Variants in IQUB observed in about 807,000 individuals in gnomAD.
IQUB encodes the protein IQ motif and ubiquitin domain containing.
A neutral mutation model predicts 86.4 loss-of-function variants in IQUB; 86 were observed. The ratio of observed to expected loss-of-function variants is 1.00; its 90% CI spans 0.84 to 1.19. The LOEUF is 1.19. Among genes scored for constraint, IQUB ranks in the 50% most tolerant of loss-of-function variants. The pLI, the probability that IQUB is intolerant of heterozygous loss-of-function variation, is 0.00. For synonymous variants in IQUB, 289 were observed against 304.5 expected, an observed-to-expected ratio of 0.95 and a Z score of 0.53; for missense variants, 946 against 916.9, an observed-to-expected ratio of 1.03 and a Z score of -0.41.
rs933208245 is a variant in IQUB, at chr7:123,457,572, T to C, written c.2008-6A>G. On this transcript the variant is annotated splice_polypyrimidine_tract_variant and splice_region_variant and intron_variant, in intron 11 of 12. Transcript: ENST00000324698. ...AGGTACTGAATGTCTTGTAGCTGCA[T>C]GTCAAAGCAAGTTTTAAAAACAATG... The C allele has an allele frequency of 6.3e-7, 1 of 1,593,166 alleles. No homozygotes were observed. Among genetic ancestry groups the C allele is most frequent in the Non-Finnish European group, 8.5e-7 (1 of 1,172,802 alleles).
intron 6 of IQUB, chr7:123,501,201 GA>G (rs1053704784): frequency 6.6e-6 from 1 of 152,192 alleles, no homozygotes; most frequent in Non-Finnish European, 1.5e-5. Flanking sequence ...CAGGCATGAT[GA>G]AAGTTAGTCA....
chr7:123,489,683 A>G (rs1289063663), intron 7 of IQUB, among the ~76,000 whole-genome samples: 3 of 151,862 alleles, frequency 2.0e-5, no homozygotes, highest in Non-Finnish European at 4.4e-5. Context: ...ATGCAAAAAG[A>G]TACATATGAA....
chr7:123,526,533 T>A (rs1281894494), intron 1 of IQUB, among the ~76,000 whole-genome samples: 1 of 151,952 alleles, frequency 6.6e-6, no homozygotes, highest in African/African-American at 2.4e-5. Context: ...CTGCCTTTTT[T>A]TGTTTTCCAT....
At chr7:123,478,774 A>G (rs1794863158) in intron 8 of IQUB, among the ~76,000 whole-genome samples, 1 of 152,086 alleles carries the variant, frequency 6.6e-6, no homozygotes, top group Non-Finnish European at 1.5e-5. Flanking sequence ...TTTCATACAG[A>G]TAGGTTATAT....
intron 8 of IQUB, among the ~76,000 whole-genome samples, chr7:123,471,365 T>A (rs1304938732): frequency 1.3e-5 from 2 of 152,166 alleles, no homozygotes; most frequent in Non-Finnish European, 2.9e-5. Context: ...AAGCTCTTTT[T>A]AAAAAGTTTT....
rs1344917343 is a variant in IQUB at position 123,469,354 on chromosome 7, T to G, written c.1441A>C (p.Asn481His). ...GTATCCATCTCAATTGTTTTGCCAT[T>G]AGGGGTTCTCCATATTTTTGGAGCT... is the stretch of plus-strand genomic sequence containing the variant. ...CSAPKIWRTP[N>H]GKTIEMDTQF... Residue 481 changes from asparagine (N) to histidine (H), a missense_variant, in exon 9 of 13, where the codon AAT becomes CAT. Coordinates refer to ENST00000324698, the MANE Select transcript of IQUB (RefSeq NM_178827.5). 1.3e-6 allele frequency: 2 copies of G among 1,599,304 alleles called. No homozygotes were observed. The highest frequency in any genetic ancestry group is 1.7e-6 in the Non-Finnish European group (2 of 1,173,928).
intron 6 of IQUB, chr7:123,502,280 G>A: frequency 3.7e-6 from 1 of 273,740 alleles, no homozygotes; most frequent in Non-Finnish European, 6.7e-6. Flanking sequence ...AGTCTCGAAA[G>A]TTCCCTTGGT....
At chr7:123,458,580 A>G (rs1793825715) in intron 11 of IQUB, among the ~76,000 whole-genome samples, 1 of 152,006 alleles carries the variant, frequency 6.6e-6, no homozygotes, top group South Asian at 2.1e-4. Flanking sequence ...TTAAAATTCA[A>G]TGTTTTATAT....
intron 8 of IQUB, among the ~76,000 whole-genome samples, chr7:123,471,754 T>C (rs1794533117): frequency 1.3e-5 from 2 of 152,168 alleles, no homozygotes; most frequent in African/African-American, 4.8e-5. Flanking sequence ...ACCTCTTCCA[T>C]AAAGATTCCT....
intron 12 of IQUB, among the ~76,000 whole-genome samples, chr7:123,455,527 A>G (rs1297042246): frequency 6.6e-6 from 1 of 151,860 alleles, no homozygotes; most frequent in Non-Finnish European, 1.5e-5. Context: ...TATTCATGCC[A>G]AAAAAAACTA....
chr7:123,472,781 T>C (rs993231394), intron 8 of IQUB, among the ~76,000 whole-genome samples: 2 of 152,222 alleles, frequency 1.3e-5, no homozygotes, highest in Non-Finnish European at 2.9e-5. Flanking sequence ...TTTCAGGGCT[T>C]AAGGTGTTTT....
chr7:123,484,765 T>C (rs1332354759), intron 7 of IQUB, among the ~76,000 whole-genome samples: 4 of 152,064 alleles, frequency 2.6e-5, no homozygotes, highest in African/African-American at 9.7e-5. Context: ...AGATTGTCAG[T>C]AGGGCTTTTA....
intron 10 of IQUB, 126 bp from the exon 11 acceptor site, chr7:123,461,731 T>A: frequency 1.2e-6 from 1 of 858,056 alleles, no homozygotes; most frequent in Non-Finnish European, 1.6e-6. Flanking sequence ...AAAAAAAAGT[T>A]GGCTAATTTC....
At chr7:123,476,407 A>C (rs1279107649) in intron 8 of IQUB, among the ~76,000 whole-genome samples, 5 of 152,168 alleles carry the variant, frequency 3.3e-5, no homozygotes, top group African/African-American at 9.7e-5. Context: ...TCTTTCTGGG[A>C]TATGCAAGTA....
At chr7:123,455,998 T>A (rs1052732353) in intron 12 of IQUB, among the ~76,000 whole-genome samples, 1 of 152,098 alleles carries the variant, frequency 6.6e-6, no homozygotes, top group Non-Finnish European at 1.5e-5. Flanking sequence ...TCTCTGAACA[T>A]TAAGAAAATT....
intron 6 of IQUB, among the ~76,000 whole-genome samples, chr7:123,497,591 T>C (rs1211945428): frequency 1.3e-5 from 2 of 151,966 alleles, no homozygotes; most frequent in Admixed American, 6.6e-5. Context: ...TTATCATTTT[T>C]TTCTGAGAGT....
At chr7:123,509,107 G>A (rs572768781) in intron 3 of IQUB, among the ~76,000 whole-genome samples, 2 of 151,808 alleles carry the variant, frequency 1.3e-5, no homozygotes, top group Non-Finnish European at 2.9e-5. Context: ...TTTTTCTCTG[G>A]AAACTTTTTG....
chr7:123,519,126 G>A (rs973407266), intron 1 of IQUB, among the ~76,000 whole-genome samples: 2 of 152,042 alleles, frequency 1.3e-5, no homozygotes, highest in African/African-American at 4.8e-5. Context: ...TCTCACCCCA[G>A]TTAAAATGGC....
chr7:123,485,465 T>C (rs552724725), intron 7 of IQUB, among the ~76,000 whole-genome samples: 1 of 152,230 alleles, frequency 6.6e-6, no homozygotes, highest in South Asian at 2.1e-4. Flanking sequence ...GGGGGGAACA[T>C]AAGTCAGCCC....
Sources: gnomAD v4.1 joint callset for allele counts (sites outside exome capture counted in the v4.1 genomes callset) on GRCh38, gnomAD v4.1.1 for gene constraint, MANE v1.5 for transcripts, NCBI Gene and HGNC (gene_info 2026-07-23, HGNC 2026-07-21) for gene names.